TNS4: variants seen among roughly 807,000 people sequenced by gnomAD.
The protein encoded by TNS4 is tensin-4.
A neutral mutation model predicts 70.4 loss-of-function variants in TNS4; 46 were observed. The observed-to-expected ratio is 0.65, with a 90% confidence interval of 0.52 to 0.84. The LOEUF is 0.84. TNS4 is among the 40% of genes least tolerant of loss of function. The pLI, the probability that TNS4 is intolerant of heterozygous loss-of-function variation, is 0.00. For missense variants in TNS4, 863 were observed against 907.0 expected, an observed-to-expected ratio of 0.95 and a Z score of 0.62; for synonymous variants, 390 against 366.6, an observed-to-expected ratio of 1.06 and a Z score of -0.73.
At chr17:40,492,124 C>T (rs1383957034) in intron 2 of TNS4, among the ~76,000 whole-genome samples, 1 of 152,150 alleles carries the variant, frequency 6.6e-6, no homozygotes, top group Non-Finnish European at 1.5e-5. Context: ...GAAGAGGAGC[C>T]TGCAGGCTGC....
Position 40,496,495 on chromosome 17 carries a change from A to C in TNS4, c.-70T>G. 6.7e-6 allele frequency: 10 copies of C among 1,484,702 alleles called. No individual in the cohort carries two copies. Among genetic ancestry groups the C allele is most frequent in the African/African-American group, 1.4e-5 (1 of 71,850 alleles). The allele number at this position is 1,484,702 out of a possible 1,614,324, so 92.0% of individuals were successfully genotyped here. On this transcript the variant is annotated 5_prime_UTR_variant, in exon 2 of 13. Coordinates refer to ENST00000254051, the MANE Select transcript of TNS4 (RefSeq NM_032865.6). Reference sequence around the variant, plus strand: ...GCCTCACTGACATCCCAGAGATCTCACTTGCTAACCAGGAGCTCCCAGGAT... The same window carrying C: ...GCCTCACTGACATCCCAGAGATCTCCCTTGCTAACCAGGAGCTCCCAGGAT...
intron 12 of TNS4, chr17:40,478,100 A>G: frequency 1.5e-6 from 1 of 657,052 alleles, no homozygotes; most frequent in Non-Finnish European, 2.6e-6. Context: ...CTTGCAGAAG[A>G]TTGAGGGCTC....
chr17:40,486,511 A>T (rs1412468684), intron 4 of TNS4, among the ~76,000 whole-genome samples: 2 of 149,316 alleles, frequency 1.3e-5, no homozygotes, highest in African/African-American at 5.0e-5. Context: ...ATGGTACCCT[A>T]TTGCTTAAAA....
At chr17:40,488,006 T>A (rs1021314447) in intron 3 of TNS4, among the ~76,000 whole-genome samples, 2 of 151,988 alleles carry the variant, frequency 1.3e-5, no homozygotes. Context: ...GCTTTGGAGG[T>A]GGAGTGGGAA....
At chr17:40,483,600 G>A (rs549609434) in intron 6 of TNS4, among the ~76,000 whole-genome samples, 3 of 152,260 alleles carry the variant, frequency 2.0e-5, no homozygotes, top group Admixed American at 6.5e-5. Context: ...CGCTGGCCCC[G>A]GGGGTGGGGA....
intron 3 of TNS4, 115 bp from the exon 4 acceptor site, chr17:40,487,575 C>A: frequency 9.5e-7 from 1 of 1,054,182 alleles, no homozygotes; most frequent in Non-Finnish European, 1.4e-6. Context: ...AAATAGAACA[C>A]TGCATACCCC....
At chr17:40,492,757 C>T (rs1177217124) in intron 2 of TNS4, among the ~76,000 whole-genome samples, 1 of 151,894 alleles carries the variant, frequency 6.6e-6, no homozygotes, top group Non-Finnish European at 1.5e-5. Flanking sequence ...GCCAGGTTGG[C>T]AGGGCATGGT....
At chr17:40,494,943 T>C (rs2036124442) in intron 2 of TNS4, among the ~76,000 whole-genome samples, 1 of 152,032 alleles carries the variant, frequency 6.6e-6, no homozygotes, top group Admixed American at 6.6e-5. Flanking sequence ...TGGCTGCTCC[T>C]TGATCCTCAT....
At chr17:40,482,758 A>G (rs1392601656) in intron 6 of TNS4, among the ~76,000 whole-genome samples, 1 of 151,476 alleles carries the variant, frequency 6.6e-6, no homozygotes, top group African/African-American at 2.4e-5. Flanking sequence ...AGCCTGGGTG[A>G]CACAGTGAGA....
chr17:40,481,554 C>T (rs1409446379), intron 8 of TNS4, among the ~76,000 whole-genome samples: 7 of 152,092 alleles, frequency 4.6e-5, no homozygotes, highest in African/African-American at 1.4e-4. Flanking sequence ...TTAGTAGAGA[C>T]GGGGTTTCAC....
chr17:40,485,035 T>A, intron 4 of TNS4, 28 bp from the exon 5 acceptor site: 1 of 1,603,188 alleles, frequency 6.2e-7, no homozygotes, highest in East Asian at 2.2e-5. Flanking sequence ...AGGGGGACCC[T>A]GTAGGCTGGA....
intron 2 of TNS4, among the ~76,000 whole-genome samples, chr17:40,491,194 A>G (rs1279763938): frequency 2.0e-5 from 3 of 152,194 alleles, no homozygotes; most frequent in Non-Finnish European, 2.9e-5. Flanking sequence ...CAGGGCAGGC[A>G]TTATTTTTTA....
chr17:40,478,438 C>G, intron 11 of TNS4, 105 bp from the exon 12 acceptor site: 2 of 1,526,498 alleles, frequency 1.3e-6, no homozygotes, highest in East Asian at 2.3e-5. Flanking sequence ...CCACCATGCC[C>G]CACCCTACCC....
chr17:40,488,706 A>G lies in TNS4; in HGVS notation c.703T>C (p.Cys235Arg). The change falls in exon 3 of 13, where the codon TGC (cysteine) becomes CGC (arginine). Residue 235 changes from cysteine to arginine, a missense_variant. Coordinates refer to ENST00000254051, the MANE Select transcript of TNS4 (RefSeq NM_032865.6). The stretch of plus-strand genomic sequence containing the variant: ...GGGCTCGAGGCCTTGCTCCCCATGC[A>G]AGGGATTGAGATGCTGGGGGAATTT... ...PPNSPSISIP[C>R]MGSKASSPHG... The G allele has an allele frequency of 6.3e-7, 1 of 1,587,726 alleles. No individual in the cohort carries two copies. The highest frequency in any genetic ancestry group is 1.4e-5 in the African/African-American group (1 of 73,448).
intron 8 of TNS4, 145 bp downstream of exon 8, chr17:40,481,984 G>A (rs1020864018): frequency 1.4e-5 from 12 of 844,192 alleles, no homozygotes; most frequent in African/African-American, 5.1e-5. Flanking sequence ...ACAGCTAGGA[G>A]GTGGAGATGT....
intron 2 of TNS4, among the ~76,000 whole-genome samples, chr17:40,495,439 C>T (rs966298001): frequency 1.3e-5 from 2 of 152,146 alleles, no homozygotes; most frequent in African/African-American, 4.8e-5. Context: ...CCCCTGCTCC[C>T]CAACCAGAGA....
chr17:40,479,513 A>C (rs1005690239), intron 10 of TNS4, among the ~76,000 whole-genome samples, 161 bp downstream of exon 10: 8 of 152,130 alleles, frequency 5.3e-5, no homozygotes, highest in Non-Finnish European at 8.8e-5. Context: ...GGCCTGGAGG[A>C]GGCAGGGAAG....
At chr17:40,481,895 T>A (rs9893243) in intron 8 of TNS4, among the ~76,000 whole-genome samples, 27,624 of 152,282 alleles carry the variant, frequency 0.18, 2,891 homozygotes, top group African/African-American at 0.28. Flanking sequence ...GGGCTATCTC[T>A]TTCGGTCTGC....
chr17:40,482,585 G>GACACAC lies in TNS4; in HGVS notation c.1502-175_1502-170dup, dbSNP rs3833860. On this transcript the variant is annotated intron_variant, in intron 6 of 12. Coordinates refer to ENST00000254051, the MANE Select transcript of TNS4 (RefSeq NM_032865.6). ...ATGGTAAAACCCTATCTCTACTAAA[G>GACACAC]ACACACACACACACACACACACACA... Among the ~76,000 whole-genome samples the GACACAC allele has an allele frequency of 4.6e-3, 672 of 145,088 alleles. 1 individual carries two copies. Among genetic ancestry groups the GACACAC allele is most frequent in the Middle Eastern group, 0.017 (5 of 288 alleles).
Sources: gnomAD v4.1 joint callset for allele counts (sites outside exome capture counted in the v4.1 genomes callset) on GRCh38, gnomAD v4.1.1 for gene constraint, MANE v1.5 for transcripts, NCBI Gene and HGNC (gene_info 2026-07-23, HGNC 2026-07-21) for gene names.